Variants in TNS1 observed in about 807,000 individuals in gnomAD.
TNS1 encodes tensin-1.
In TNS1, 62 loss-of-function variants were observed where a neutral mutation model predicts 168.6. That is an observed-to-expected ratio of 0.37 (90% CI 0.30 to 0.45). The LOEUF is 0.45. Ranked by LOEUF, TNS1 falls within the 20% of genes least tolerant of loss-of-function variation. TNS1 has a pLI of 1.00. For synonymous variants in TNS1, 934 were observed against 933.2 expected (o/e 1.00, Z -0.02); for missense variants, 2,240 against 2,339.4 (o/e 0.96, Z 0.88).
At chr2:217,895,408 A>G (rs891912823) in intron 8 of TNS1, among the ~76,000 whole-genome samples, 1 of 152,224 alleles carries the variant, frequency 6.6e-6, no homozygotes, top group African/African-American at 2.4e-5. Context: ...AGAGATGTAG[A>G]CACTCAGCCA....
intron 22 of TNS1, among the ~76,000 whole-genome samples, chr2:217,826,187 T>C (rs1474776148): frequency 3.3e-5 from 5 of 152,180 alleles, no homozygotes; most frequent in Admixed American, 2.0e-4. Context: ...AGCCCTTCCA[T>C]ACAATCTCTA....
At chr2:217,957,852 A>G (rs1336941220) in intron 3 of TNS1, among the ~76,000 whole-genome samples, 5 of 151,598 alleles carry the variant, frequency 3.3e-5, no homozygotes, top group African/African-American at 1.2e-4. Flanking sequence ...AAAAAAAAAA[A>G]AAAAAAAAAA....
intron 1 of TNS1, among the ~76,000 whole-genome samples, chr2:218,002,447 A>G (rs1029489190): frequency 6.6e-6 from 1 of 152,118 alleles, no homozygotes; most frequent in African/African-American, 2.4e-5. Flanking sequence ...CCTCCTCCTC[A>G]AGATCTTGGG....
chr2:217,918,390 C>T (rs1046327216), intron 4 of TNS1, among the ~76,000 whole-genome samples: 7 of 152,198 alleles, frequency 4.6e-5, no homozygotes, highest in African/African-American at 1.7e-4. Context: ...TCTGGGAGCA[C>T]CGTCTGGTGA....
chr2:217,917,059 C>T (rs544649929), intron 4 of TNS1, among the ~76,000 whole-genome samples: 1 of 152,328 alleles, frequency 6.6e-6, no homozygotes, highest in South Asian at 2.1e-4. Flanking sequence ...GAAACAGGTG[C>T]TGAGTGCTCC....
intron 8 of TNS1, among the ~76,000 whole-genome samples, chr2:217,896,484 G>T (rs548913937): frequency 6.6e-6 from 1 of 152,362 alleles, no homozygotes; most frequent in Admixed American, 6.5e-5. Flanking sequence ...GATGGAGGTA[G>T]AGATTGGAGT....
Position 217,848,591 on chromosome 2 carries a change from G to A in TNS1, c.1926C>T (p.Gly642=). 6.2e-7 allele frequency: 1 copy of A among 1,614,206 alleles called. No homozygotes were observed. Among genetic ancestry groups the A allele is most frequent in the Non-Finnish European group, 8.5e-7 (1 of 1,180,018 alleles). The part of the protein sequence containing the change: ...NQDGHSAGSM[G]TLSSLDGVTN... ...TGACCCCGTCCAGAGAAGAGAGTGT[G>A]CCCATGCTGCCCGCACTGTGACCAT... Residue 642 remains glycine (G), a synonymous_variant, in exon 19 of 33, where the codon GGC becomes GGT. Coordinates refer to ENST00000682258, the MANE Select transcript of TNS1 (RefSeq NM_001387777.1).
chr2:218,010,492 CTTT>C (rs1429028728), upstream of TNS1: 12 of 284,968 alleles, frequency 4.2e-5, no homozygotes, highest in African/African-American at 1.3e-4. Context: ...TCCTCCGCGG[CTTT>C]CTCCTCCCCT....
At chr2:217,933,510 C>T (rs753637158) in intron 3 of TNS1, among the ~76,000 whole-genome samples, 21 of 152,168 alleles carry the variant, frequency 1.4e-4, no homozygotes, top group Non-Finnish European at 2.8e-4. Context: ...ACCGCCAACA[C>T]ATCCACTGGC....
intron 3 of TNS1, among the ~76,000 whole-genome samples, chr2:217,954,098 G>T (rs928232546): frequency 6.6e-6 from 1 of 152,196 alleles, no homozygotes; most frequent in African/African-American, 2.4e-5. Flanking sequence ...TAATAAGCCC[G>T]CCAGGCTCTC....
At position 217,801,166 on chromosome 2, in the gene TNS1, T is replaced by C. The variant is rs1383481989; in HGVS notation, c.*3293A>G. The C allele has an allele frequency of 2.0e-5, 3 of 152,228 alleles. No homozygotes were observed. Among genetic ancestry groups the C allele is most frequent in the African/African-American group, 4.8e-5 (2 of 41,464 alleles). The allele number at this position is 152,228 out of a possible 1,614,324, so 9.4% of individuals were successfully genotyped here. A position where few individuals can be genotyped will look rare whatever the true frequency, so the allele number is the denominator to read the frequency against. On this transcript the variant is annotated 3_prime_UTR_variant, in exon 33 of 33. Transcript: ENST00000682258. Reference sequence around the variant, plus strand: ...GGCCTTTCCCAAACTTAGGATGTGATGTATCTGTCCCTTAAGCGCCTGGCT... The same window carrying C: ...GGCCTTTCCCAAACTTAGGATGTGACGTATCTGTCCCTTAAGCGCCTGGCT...
chr2:217,959,448 T>A (rs1372283764), intron 3 of TNS1, among the ~76,000 whole-genome samples: 2 of 148,352 alleles, frequency 1.3e-5, no homozygotes, highest in Admixed American at 1.3e-4. Flanking sequence ...GAACCTGGTA[T>A]CTTAGTATGG....
chr2:217,845,832 G>T (rs1174538385), intron 19 of TNS1, among the ~76,000 whole-genome samples: 1 of 152,188 alleles, frequency 6.6e-6, no homozygotes, highest in Non-Finnish European at 1.5e-5. Context: ...TGCATGGAAG[G>T]GTTCTTGTAG....
chr2:217,982,752 A>C lies in TNS1; in HGVS notation c.149-3950T>G, dbSNP rs1013518314. Among the ~76,000 whole-genome samples the C allele has an allele frequency of 2.0e-5, 3 of 152,170 alleles. No individual in the cohort carries two copies. The South Asian group carries it at 6.2e-4, about 31-fold the overall frequency. On this transcript the variant is annotated intron_variant, in intron 2 of 32. Transcript: ENST00000682258. ...TACGGGTAATTTTTTATGCAGTACT[A>C]GATCACTGATACCAGAACACAAGAC... is the stretch of plus-strand genomic sequence containing the variant.
chr2:217,920,563 A>ATTTTTTTTTTTTTTTTTT (rs35026780), intron 3 of TNS1, among the ~76,000 whole-genome samples: 3 of 135,922 alleles, frequency 2.2e-5, no homozygotes, highest in Non-Finnish European at 1.6e-5. Flanking sequence ...AAGAAGAAGG[A>ATTTTTTTTTTTTTTTTTT]TTTTTTTTTT....
intron 4 of TNS1, among the ~76,000 whole-genome samples, chr2:217,916,284 A>C (rs1575067626): frequency 2.1e-5 from 3 of 144,016 alleles, no homozygotes; most frequent in Non-Finnish European, 1.5e-5. Flanking sequence ...TCCCCCATTC[A>C]CCTCCTCCCC....
intron 12 of TNS1, among the ~76,000 whole-genome samples, chr2:217,888,042 GT>G (rs1324717031): frequency 5.9e-5 from 9 of 152,232 alleles, no homozygotes; most frequent in African/African-American, 1.7e-4. Flanking sequence ...CTCCAAGCCT[GT>G]GGGCCTCTGT....
intron 3 of TNS1, among the ~76,000 whole-genome samples, chr2:217,963,780 A>G (rs1358179418): frequency 6.7e-6 from 1 of 149,730 alleles, no homozygotes; most frequent in Non-Finnish European, 1.5e-5. Context: ...TCAGTGACTC[A>G]CACCTCTAAT....
At chr2:217,975,237 T>G (rs1234922234) in intron 3 of TNS1, among the ~76,000 whole-genome samples, 1 of 152,130 alleles carries the variant, frequency 6.6e-6, no homozygotes, top group African/African-American at 2.4e-5. Flanking sequence ...TTGAGAAGAC[T>G]GCAGCCCCAG....
Sources: gnomAD v4.1 joint callset for allele counts (sites outside exome capture counted in the v4.1 genomes callset) on GRCh38, gnomAD v4.1.1 for gene constraint, MANE v1.5 for transcripts, NCBI Gene and HGNC (gene_info 2026-07-23, HGNC 2026-07-21) for gene names.